Variants in CRYBB2 observed in about 807,000 individuals in gnomAD.
The protein encoded by CRYBB2 is crystallin beta B2.
A neutral mutation model predicts 24.3 loss-of-function variants in CRYBB2; 12 were observed. That is an observed-to-expected ratio of 0.49 (90% confidence interval 0.32 to 0.80). CRYBB2 has a LOEUF of 0.80. Ranked by LOEUF, CRYBB2 falls within the 30% of genes least tolerant of loss-of-function variation. CRYBB2 has a pLI of 0.04. For synonymous variants in CRYBB2, 98 were observed against 101.6 expected, an observed-to-expected ratio of 0.96 and a Z score of 0.21; for missense variants, 198 against 268.5, an observed-to-expected ratio of 0.74 and a Z score of 1.83.
upstream of CRYBB2, among the ~76,000 whole-genome samples, chr22:25,218,779 G>GAAGAAAGAAAGAAAGAAAGAAAGA (rs1168197356): frequency 8.7e-5 from 3 of 34,514 alleles, no homozygotes; most frequent in Non-Finnish European, 1.1e-4. Flanking sequence ...GAGAGAGAGA[G>GAAGAAAGAAAGAAAGAAAGAAAGA]AAGAAAGAAA....
chr22:25,228,632 G>C (rs8135290), intron 4 of CRYBB2, among the ~76,000 whole-genome samples: 1 of 152,180 alleles, frequency 6.6e-6, no homozygotes, highest in Non-Finnish European at 1.5e-5. Flanking sequence ...TGGGGAACAC[G>C]GGACTTGGCA....
intron 2 of CRYBB2, among the ~76,000 whole-genome samples, chr22:25,224,437 C>T (rs922727202): frequency 1.3e-5 from 2 of 152,140 alleles, no homozygotes; most frequent in Admixed American, 6.5e-5. Context: ...ATAATTAGTT[C>T]TCCCACAAGC....
chr22:25,214,301 A>G (rs929097260), intron 1 of CRYBB2, among the ~76,000 whole-genome samples: 2 of 152,222 alleles, frequency 1.3e-5, no homozygotes, highest in Non-Finnish European at 2.9e-5. Context: ...TAGCACCACC[A>G]TGCTCCAGCC....
rs374007468 is a variant in CRYBB2 at position 25,214,136 on chromosome 22, C to T, written c.-27+1296C>T. 1.2e-4 allele frequency among the ~76,000 whole-genome samples: 18 copies of T among 152,120 alleles called. 1 individual carries two copies. Among genetic ancestry groups the T allele is most frequent in the East Asian group, 1.2e-3 (6 of 5,172 alleles). ...GAAAAATTGCTTGAGGCTTGGAGTT[C>T]GCGACCTACCTGGACAACACAGTAA... On this transcript the variant is annotated intron_variant, in intron 1 of 5. Transcript: ENST00000651629.
In CRYBB2 at chr22:25,229,429, C is replaced by T. The variant is rs758128502; in HGVS notation, c.307-7C>T. 2.5e-6 allele frequency: 4 copies of T among 1,605,054 alleles called. No individual in the cohort carries two copies. The South Asian group carries it at 4.5e-5, about 18-fold the overall frequency. ...CATACTCACTTCCCCCCATCCTCTG[C>T]CAATAGGACAGCCAAGAGCACAAGA... On this transcript the variant is annotated splice_polypyrimidine_tract_variant and splice_region_variant and intron_variant, in intron 4 of 5. Coordinates refer to ENST00000398215, the MANE Select transcript of CRYBB2 (RefSeq NM_000496.3).
chr22:25,218,871 C>A (rs895098782), upstream of CRYBB2, among the ~76,000 whole-genome samples: 1 of 137,726 alleles, frequency 7.3e-6, no homozygotes, highest in Non-Finnish European at 1.6e-5. Flanking sequence ...GAAAGAGAAA[C>A]AGCCAGGGGC....
At chr22:25,230,967 T>A (rs1453178809) in intron 5 of CRYBB2, among the ~76,000 whole-genome samples, 1 of 151,960 alleles carries the variant, frequency 6.6e-6, no homozygotes, top group African/African-American at 2.4e-5. Flanking sequence ...AAAGGCCCTG[T>A]GGTGTGTGTG....
At chr22:25,220,246 T>C (rs969623) in intron 1 of CRYBB2, among the ~76,000 whole-genome samples, 49,269 of 152,112 alleles carry the variant, frequency 0.32, 9,242 homozygotes, top group African/African-American at 0.52. Flanking sequence ...CACGGCCAAG[T>C]GCTTCCGGTT....
chr22:25,218,838 G>GAAAGAAAGAAAGAAAGAGAA (rs386365958), upstream of CRYBB2, among the ~76,000 whole-genome samples: 2 of 97,992 alleles, frequency 2.0e-5, no homozygotes, highest in Non-Finnish European at 2.0e-5. Flanking sequence ...AAGAAAGAAA[G>GAAAGAAAGAAAGAAAGAGAA]AGAAAGAAAG....
intron 4 of CRYBB2, among the ~76,000 whole-genome samples, chr22:25,228,926 G>A (rs972512137): frequency 1.3e-5 from 2 of 152,172 alleles, no homozygotes; most frequent in African/African-American, 2.4e-5. Context: ...GTGTACATGT[G>A]TGGGTGTGCA....
chr22:25,227,526 T>C (rs1935441736), intron 3 of CRYBB2, among the ~76,000 whole-genome samples: 1 of 150,840 alleles, frequency 6.6e-6, no homozygotes, highest in Non-Finnish European at 1.5e-5. Context: ...GTTTTGTTTT[T>C]TGAGAGTTGG....
chr22:25,220,966 C>T (rs1230995052), intron 1 of CRYBB2, among the ~76,000 whole-genome samples: 1 of 152,138 alleles, frequency 6.6e-6, no homozygotes, highest in Non-Finnish European at 1.5e-5. Context: ...TTTGTGAGTT[C>T]CTAAACTGGG....
chr22:25,226,370 GAT>G (rs1419234059), intron 3 of CRYBB2, among the ~76,000 whole-genome samples: 6 of 152,136 alleles, frequency 3.9e-5, no homozygotes, highest in Non-Finnish European at 8.8e-5. Flanking sequence ...ACAGAAGGGA[GAT>G]GCTTTAAAAT....
upstream of CRYBB2, among the ~76,000 whole-genome samples, chr22:25,218,765 G>A (rs868539757): frequency 6.0e-3 from 199 of 33,234 alleles, 12 homozygotes; most frequent in South Asian, 0.019. Flanking sequence ...GAGAGAGAGA[G>A]AGAGAGAGAG....
At chr22:25,212,257 G>A (rs1935115440), upstream of CRYBB2, among the ~76,000 whole-genome samples, 1 of 152,188 alleles carries the variant, frequency 6.6e-6, no homozygotes, top group South Asian at 2.1e-4. Context: ...CCTCAATAAT[G>A]GGGGTTTATT....
intron 5 of CRYBB2, among the ~76,000 whole-genome samples, chr22:25,230,046 A>C (rs1242772407): frequency 6.6e-6 from 1 of 152,046 alleles, no homozygotes; most frequent in Non-Finnish European, 1.5e-5. Flanking sequence ...GACCCTGGCC[A>C]TCAGCAGTGA....
chr22:25,218,820 A>AAGAAAG (rs1569016443), upstream of CRYBB2, among the ~76,000 whole-genome samples: 3,224 of 90,398 alleles, frequency 0.036, 75 homozygotes, highest in South Asian at 0.044. Context: ...GAAAGAAAGA[A>AAGAAAG]AGAAAGAAAG....
intron 1 of CRYBB2, among the ~76,000 whole-genome samples, chr22:25,221,065 T>C (rs1935310914): frequency 6.6e-6 from 1 of 152,248 alleles, no homozygotes; most frequent in African/African-American, 2.4e-5. Context: ...AAGGCAGAAG[T>C]TCTGGGATTG....
rs1244802330 is a variant in CRYBB2, at chr22:25,227,926, G to C, written c.247G>C (p.Asp83His). The C allele has an allele frequency of 6.2e-7, 1 of 1,614,020 alleles. No individual in the cohort carries two copies. Among genetic ancestry groups the C allele is most frequent in the East Asian group, 2.2e-5 (1 of 44,880 alleles). The change falls in exon 4 of 6, where the codon GAC becomes CAC. Residue 83 changes from aspartate to histidine, a missense_variant. Coordinates refer to ENST00000398215, the MANE Select transcript of CRYBB2 (RefSeq NM_000496.3). The stretch of plus-strand genomic sequence containing the variant: ...TGAGAAGGGTGAGTACCCCCGCTGG[G>C]ACTCATGGACCAGCAGCCGAAGGAC... ...VFEKGEYPRW[D>H]SWTSSRRTDS...
Sources: allele counts gnomAD v4.1 joint callset (sites outside exome capture counted in the v4.1 genomes callset), GRCh38; gene constraint gnomAD v4.1.1; transcripts MANE v1.5; gene names NCBI Gene and HGNC (gene_info 2026-07-23, HGNC 2026-07-21).